ZEB2: variants seen among roughly 807,000 people sequenced by gnomAD.
The protein encoded by ZEB2 is zinc finger E-box-binding homeobox 2.
ZEB2 carries 6 observed loss-of-function variants against 99.9 expected under a neutral mutation model. That is an observed-to-expected ratio of 0.06 (90% CI 0.03 to 0.12). ZEB2 has a LOEUF of 0.12. Ranked by LOEUF, ZEB2 falls within the 10% of genes least tolerant of loss-of-function variation. The pLI is 1.00. For synonymous variants in ZEB2, 517 were observed against 542.5 expected, an observed-to-expected ratio of 0.95 and a Z score of 0.65; for missense variants, 969 against 1,502.8, an observed-to-expected ratio of 0.64 and a Z score of 5.87.
intron 2 of ZEB2, among the ~76,000 whole-genome samples, chr2:144,473,957 G>A (rs1206930660): frequency 6.6e-6 from 1 of 152,116 alleles, no homozygotes; most frequent in Non-Finnish European, 1.5e-5. Context: ...GATTCATCCG[G>A]TTTTCTCAAG....
intron 1 of ZEB2, chr2:144,517,772 C>A: frequency 2.9e-6 from 2 of 686,034 alleles, no homozygotes; most frequent in East Asian, 2.7e-5. Flanking sequence ...TCCTCAGCCC[C>A]CGGCTCGGGA....
At chr2:144,401,558 C>T (rs1250718320) in intron 6 of ZEB2, among the ~76,000 whole-genome samples, 3 of 152,166 alleles carry the variant, frequency 2.0e-5, no homozygotes, top group Non-Finnish European at 4.4e-5. Context: ...GTGTCTTTTC[C>T]AAAATGTTTC....
At chr2:144,519,296 T>A (rs1435149798) in intron 1 of ZEB2, 3 of 152,142 alleles carry the variant, frequency 2.0e-5, no homozygotes, top group African/African-American at 7.2e-5. Flanking sequence ...TTCACTTCTT[T>A]ATTTATAATC....
intron 4 of ZEB2, among the ~76,000 whole-genome samples, chr2:144,419,276 T>A (rs1703586458): frequency 6.6e-6 from 1 of 152,240 alleles, no homozygotes; most frequent in Non-Finnish European, 1.5e-5. Context: ...AGTTAGAGTC[T>A]ATAAAGTTAG....
chr2:144,477,342 T>C (rs975647085), intron 2 of ZEB2, among the ~76,000 whole-genome samples: 4 of 152,226 alleles, frequency 2.6e-5, no homozygotes, highest in African/African-American at 9.6e-5. Context: ...AAAGTAAAAC[T>C]AAAAGCCCAG....
chr2:144,495,581 G>A (rs1321552452), intron 2 of ZEB2: 2 of 152,224 alleles, frequency 1.3e-5, no homozygotes, highest in Non-Finnish European at 2.9e-5. Flanking sequence ...CTAGACTGTG[G>A]CTATAGAATC....
chr2:144,518,662 T>G (rs1705210172), intron 1 of ZEB2: 1 of 152,142 alleles, frequency 6.6e-6, no homozygotes, highest in Admixed American at 6.5e-5. Context: ...GAAAGCACCT[T>G]AAATTTACCT....
At position 144,468,722 on chromosome 2, in the gene ZEB2, TG is replaced by T. The variant is rs1704309843; in HGVS notation, c.74-38697del. 1.3e-5 allele frequency among the ~76,000 whole-genome samples: 2 copies of T among 152,054 alleles called. 1 individual carries two copies. Among genetic ancestry groups the T allele is most frequent in the South Asian group, 4.1e-4 (2 of 4,820 alleles). ...AAAGACCAAATTCTTAAAGTGGCTTTGAGGCATGCAGGGGTCAGAAATGGGC... is the reference window on the plus strand; with the variant it reads ...AAAGACCAAATTCTTAAAGTGGCTTTAGGCATGCAGGGGTCAGAAATGGGC... On this transcript the variant is annotated intron_variant, in intron 2 of 9. Transcript: ENST00000627532.
At chr2:144,406,777 T>G (rs537302630) in intron 4 of ZEB2, among the ~76,000 whole-genome samples, 2 of 152,288 alleles carry the variant, frequency 1.3e-5, no homozygotes, top group East Asian at 1.9e-4. Flanking sequence ...TTATTTGCAT[T>G]TTTAGATGAC....
At chr2:144,439,133 G>GAA (rs1174940162) in intron 2 of ZEB2, among the ~76,000 whole-genome samples, 50 of 79,668 alleles carry the variant, frequency 6.3e-4, no homozygotes, top group Non-Finnish European at 5.3e-4. Context: ...CTGGGAGGAA[G>GAA]AAAAAAAAAA....
chr2:144,427,752 G>A (rs1046717036), intron 3 of ZEB2: 4 of 152,036 alleles, frequency 2.6e-5, no homozygotes, highest in Non-Finnish European at 4.4e-5. Flanking sequence ...TAAGTTTCTT[G>A]GTCCAAATAG....
intron 2 of ZEB2, among the ~76,000 whole-genome samples, chr2:144,481,523 A>G (rs1463209880): frequency 2.0e-5 from 3 of 152,224 alleles, no homozygotes; most frequent in East Asian, 1.9e-4. Context: ...CAAGGGGTAC[A>G]CTTTTAGAAC....
chr2:144,467,346 A>G (rs947091474), intron 2 of ZEB2, among the ~76,000 whole-genome samples: 1 of 152,088 alleles, frequency 6.6e-6, no homozygotes, highest in African/African-American at 2.4e-5. Context: ...ATGGGCTGGG[A>G]AAAAAAGCAG....
Position 144,385,777 on chromosome 2 carries a change from A to G in ZEB2, c.*3674T>C, listed in dbSNP as rs1197990854. On this transcript the variant is annotated 3_prime_UTR_variant, in exon 10 of 10. Coordinates refer to ENST00000627532, the MANE Select transcript of ZEB2 (RefSeq NM_014795.4). ...GGGCAGTCTCCTCAAATTTGTGACT[A>G]AGATTTGCTTTTATTAAGGCTTACA... The G allele has an allele frequency of 6.6e-6, 1 of 152,200 alleles. No individual in the cohort carries two copies. The highest frequency in any genetic ancestry group is 1.5e-5 in the Non-Finnish European group (1 of 68,022). 9.4% of individuals were successfully genotyped at this position (152,200 alleles called of 1,614,324 possible). A position where few individuals can be genotyped will look rare whatever the true frequency, so the allele number is the denominator to read the frequency against.
intron 4 of ZEB2, among the ~76,000 whole-genome samples, chr2:144,411,947 GA>G (rs1703469931): frequency 6.6e-6 from 1 of 152,240 alleles, no homozygotes; most frequent in Non-Finnish European, 1.5e-5. Flanking sequence ...TATTGGCACA[GA>G]ATGATAGAGT....
chr2:144,429,606 A>G, intron 3 of ZEB2, 163 bp downstream of exon 3: 1 of 1,106,546 alleles, frequency 9.0e-7, no homozygotes, highest in Non-Finnish European at 1.3e-6. Context: ...TAACATTACT[A>G]TCACTTCATA....
At chr2:144,438,957 C>T (rs1367556285) in intron 2 of ZEB2, among the ~76,000 whole-genome samples, 11 of 152,012 alleles carry the variant, frequency 7.2e-5, no homozygotes. Context: ...AAGCTCAACA[C>T]ATTATGGCCA....
chr2:144,387,347 T>C lies in ZEB2; in HGVS notation c.*2104A>G, dbSNP rs2149871546. ...ATCTGTTTTTTCTGTTATTCTTCAC[T>C]TGGCAATTAGATTTAAGAAGCAGAA... On this transcript the variant is annotated 3_prime_UTR_variant, in exon 10 of 10. Transcript: ENST00000627532. The C allele has an allele frequency of 6.6e-6, 1 of 152,246 alleles. No individual in the cohort carries two copies. The highest frequency in any genetic ancestry group is 2.1e-4 in the South Asian group (1 of 4,824). The allele number at this position is 152,246 out of a possible 1,614,324, so 9.4% of individuals were successfully genotyped here.
chr2:144,407,411 T>C (rs557498131), intron 4 of ZEB2, among the ~76,000 whole-genome samples: 70 of 152,376 alleles, frequency 4.6e-4, no homozygotes, highest in African/African-American at 1.4e-3. Flanking sequence ...CACAATGTCA[T>C]GGATGCTTTC....
Sources: gnomAD v4.1 joint callset for allele counts (sites outside exome capture counted in the v4.1 genomes callset) on GRCh38, gnomAD v4.1.1 for gene constraint, MANE v1.5 for transcripts, NCBI Gene and HGNC (gene_info 2026-07-23, HGNC 2026-07-21) for gene names.